The following DEFB104A variants were observed in gnomAD, a reference collection of about 807,000 sequenced individuals.
DEFB104A encodes the protein beta-defensin 104.
intron 1 of DEFB104A, among the ~76,000 whole-genome samples, chr8:7,839,420 C>G (rs1426656194): frequency 6.9e-6 from 1 of 143,898 alleles, no homozygotes; most frequent in Non-Finnish European, 1.6e-5. Flanking sequence ...TCACTCCTTT[C>G]TTCATTGCCT....
Sources: gnomAD v4.1 joint callset for allele counts (sites outside exome capture counted in the v4.1 genomes callset) on GRCh38, gnomAD v4.1.1 for gene constraint, MANE v1.5 for transcripts, NCBI Gene and HGNC (gene_info 2026-07-23, HGNC 2026-07-21) for gene names.